The following CDH3 variants were observed in gnomAD, a reference collection of about 807,000 sequenced individuals.
CDH3 encodes cadherin 3, also known as cadherin-3.
A neutral mutation model predicts 82.0 loss-of-function variants in CDH3; 54 were observed. The ratio of observed to expected loss-of-function variants is 0.66; its 90% confidence interval spans 0.53 to 0.83. The LOEUF is 0.83. CDH3 is among the 40% of genes least tolerant of loss of function. The pLI is 0.00. For missense variants in CDH3, 1,054 were observed against 1,084.6 expected (o/e 0.97, Z 0.40); for synonymous variants, 446 against 437.9 (o/e 1.02, Z -0.23).
intron 2 of CDH3, among the ~76,000 whole-genome samples, chr16:68,666,461 C>T (rs1308282495): frequency 6.6e-6 from 1 of 152,098 alleles, no homozygotes; most frequent in Non-Finnish European, 1.5e-5. Flanking sequence ...GGGGTGGGTC[C>T]CAAGTGAATC....
In CDH3 at chr16:68,685,290, G is replaced by A; in HGVS notation, c.1510G>A (p.Glu504Lys). The change falls in exon 11 of 16, where the codon GAG (glutamate) becomes AAG (lysine). Residue 504 changes from glutamate to lysine, a missense_variant. Physicochemically the swap from Glu to Lys is moderately conservative, Grantham distance 56 (BLOSUM62 1). Coordinates refer to ENST00000264012, the MANE Select transcript of CDH3 (RefSeq NM_001793.6). ...CACAGCTGTGGGCACCCTCGACCGT[G>A]AGGATGAGCAGTTTGTGAGGAACAA... ...QVTAVGTLDR[E>K]DEQFVRNNIY... The A allele has an allele frequency of 1.9e-6, 3 of 1,614,172 alleles. No individual in the cohort carries two copies. The highest frequency in any genetic ancestry group is 2.5e-6 in the Non-Finnish European group (3 of 1,180,032).
chr16:68,648,122 T>G (rs1960129993), intron 2 of CDH3, among the ~76,000 whole-genome samples: 1 of 152,198 alleles, frequency 6.6e-6, no homozygotes, highest in African/African-American at 2.4e-5. Flanking sequence ...CTCAGAATTT[T>G]GAACTTCAGA....
intron 11 of CDH3, 70 bp downstream of exon 11, chr16:68,685,420 A>G: frequency 6.6e-7 from 1 of 1,523,954 alleles, no homozygotes; most frequent in Non-Finnish European, 9.1e-7. Context: ...ACAGCACAGC[A>G]TGTTTCCTCC....
rs1961985769 is a variant in CDH3, at chr16:68,707,996, A to AC, written c.99+12074dup. On this transcript the variant is annotated intron_variant, in intron 1 of 2. Transcript: ENST00000569080. The surrounding 1 kb of genome is among the most constrained non-coding windows in gnomAD (Gnocchi z 4.5). ...CCTCTGTGTGTCCTCCAGGAACCTGACGACCCAGGCACTCCAGGAAGACGA... is the reference window on the plus strand; with the variant it reads ...CCTCTGTGTGTCCTCCAGGAACCTGACCGACCCAGGCACTCCAGGAAGACGA... 6.6e-6 allele frequency among the ~76,000 whole-genome samples: 1 copy of AC among 152,062 alleles called. No individual in the cohort carries two copies. Among genetic ancestry groups the AC allele is most frequent in the Admixed American group, 6.6e-5 (1 of 15,252 alleles).
At chr16:68,712,951 G>A (rs2152110300) in intron 1 of CDH3, among the ~76,000 whole-genome samples, 1 of 152,156 alleles carries the variant, frequency 6.6e-6, no homozygotes, top group Non-Finnish European at 1.5e-5. Context: ...CAAAGTGCTG[G>A]GATTAAAGGC....
In CDH3 at chr16:68,680,238, T is replaced by A. The variant is rs142970787; in HGVS notation, c.867+264T>A. Among the ~76,000 whole-genome samples the A allele has an allele frequency of 5.9e-4, 90 of 152,346 alleles. 1 individual carries two copies. Among genetic ancestry groups the A allele is most frequent in the African/African-American group, 2.0e-3 (84 of 41,580 alleles). ...CCTACTTTTGGTATTTTCTGTAGGTTTTCTCATTTCCTCTCAGAGTGGCTC... is the reference window on the plus strand; with the variant it reads ...CCTACTTTTGGTATTTTCTGTAGGTATTCTCATTTCCTCTCAGAGTGGCTC... On this transcript the variant is annotated intron_variant, in intron 7 of 15. Coordinates refer to ENST00000264012, the MANE Select transcript of CDH3 (RefSeq NM_001793.6).
chr16:68,698,520 C>A lies in CDH3; in HGVS notation c.*120C>A. On this transcript the variant is annotated 3_prime_UTR_variant, in exon 16 of 16. Transcript: ENST00000264012. ...TCAGGAAGTGGCCGTAGCAACTTGG[C>A]GGAGACAGGCTATGAGTCTGACGTT... 2.4e-6 allele frequency: 2 copies of A among 833,270 alleles called. No homozygotes were observed. The highest frequency in any genetic ancestry group is 3.9e-6 in the Non-Finnish European group (2 of 507,166). 51.6% of individuals were successfully genotyped at this position (833,270 alleles called of 1,614,324 possible).
chr16:68,650,147 C>T (rs560685536), intron 2 of CDH3, among the ~76,000 whole-genome samples: 1 of 152,054 alleles, frequency 6.6e-6, no homozygotes, highest in Non-Finnish European at 1.5e-5. Context: ...CTCAGTTTCC[C>T]CACCGGGCCC....
In CDH3 at chr16:68,687,729, C is replaced by A; in HGVS notation, c.1788C>A (p.Asn596Lys). Reference protein sequence around the residue: ...DSDIYWTAEVNEEGDTVVLSL... With the variant: ...DSDIYWTAEVKEEGDTVVLSL... Reference sequence around the variant, plus strand: ...ACATCTACTGGACGGCAGAGGTCAACGAGGAAGGTACCTGAGTGAGTGGTG... The same window carrying A: ...ACATCTACTGGACGGCAGAGGTCAAAGAGGAAGGTACCTGAGTGAGTGGTG... Residue 596 changes from asparagine to lysine, a missense_variant, in exon 12 of 16, where the codon AAC (asparagine) becomes AAA (lysine). Coordinates refer to ENST00000264012, the MANE Select transcript of CDH3 (RefSeq NM_001793.6). 1 of 1,613,070 alleles carries A rather than the reference C, an allele frequency of 6.2e-7. No individual in the cohort carries two copies. Among genetic ancestry groups the A allele is most frequent in the Non-Finnish European group, 8.5e-7 (1 of 1,179,228 alleles).
At chr16:68,706,853 C>A (rs1040638815) in intron 1 of CDH3, among the ~76,000 whole-genome samples, 2 of 152,062 alleles carry the variant, frequency 1.3e-5, no homozygotes, top group Non-Finnish European at 2.9e-5. Context: ...TGTGCCCGGC[C>A]AGTAGTCACA....
intron 2 of CDH3, among the ~76,000 whole-genome samples, chr16:68,724,385 A>C (rs1271101204): frequency 1.3e-5 from 2 of 152,058 alleles, no homozygotes; most frequent in African/African-American, 4.8e-5. Context: ...TTGGGAGGCC[A>C]AGGAAGGAGG....
At position 68,680,092 on chromosome 16, in the gene CDH3, A is replaced by G. The variant is rs951132283; in HGVS notation, c.867+118A>G. On this transcript the variant is annotated intron_variant, in intron 7 of 15. Transcript: ENST00000264012. ...GCCCAAGGCAGAACAGTGAGGACCC[A>G]CGTCAGCTGGGATGGCCACTGCTGG... 5.1e-6 allele frequency: 5 copies of G among 989,964 alleles called. No homozygotes were observed. The African/African-American group carries it at 8.0e-5, about 16-fold the overall frequency. 61.3% of individuals were successfully genotyped at this position (989,964 alleles called of 1,614,324 possible). A position where few individuals can be genotyped will look rare whatever the true frequency, so the allele number is the denominator to read the frequency against.
intron 15 of CDH3, chr16:68,696,551 G>C (rs1019016763): frequency 1.7e-5 from 3 of 177,784 alleles, no homozygotes; most frequent in Non-Finnish European, 3.6e-5. Flanking sequence ...CATGGTGGGA[G>C]GTGGAGGTTG....
chr16:68,728,289 C>T (rs867039094), downstream of CDH3, among the ~76,000 whole-genome samples: 2 of 152,098 alleles, frequency 1.3e-5, no homozygotes, highest in African/African-American at 2.4e-5. Flanking sequence ...CCTCAGCCTC[C>T]GGAGCAGCTG....
At chr16:68,712,679 C>T (rs192016107) in intron 1 of CDH3, among the ~76,000 whole-genome samples, 44 of 151,794 alleles carry the variant, frequency 2.9e-4, no homozygotes, top group Non-Finnish European at 5.7e-4. Context: ...CCTCTCAATT[C>T]CCAGGTTCCT....
rs1210247142 is a variant in CDH3 at position 68,662,634 on chromosome 16, C to T, written c.161-13751C>T. On this transcript the variant is annotated intron_variant, in intron 2 of 15. Transcript: ENST00000264012. ...ACGATCTCACTGCAAGAAGCTCCACCTCCGGGTTCACACCATTCTCCTGCC... is the reference window on the plus strand; with the variant it reads ...ACGATCTCACTGCAAGAAGCTCCACTTCCGGGTTCACACCATTCTCCTGCC... Among the ~76,000 whole-genome samples, 3 of 149,860 alleles carry T rather than the reference C, an allele frequency of 2.0e-5. No homozygotes were observed. The East Asian group carries it at 6.0e-4, about 30-fold the overall frequency.
chr16:68,682,212 G>C, intron 8 of CDH3, 90 bp from the exon 9 acceptor site: 4 of 1,411,474 alleles, frequency 2.8e-6, no homozygotes, highest in Non-Finnish European at 3.9e-6. Flanking sequence ...AAGGCATGGG[G>C]ATCCCCTGAG....
chr16:68,650,067 G>C (rs530365989), intron 2 of CDH3, among the ~76,000 whole-genome samples: 2 of 152,044 alleles, frequency 1.3e-5, no homozygotes, highest in East Asian at 3.9e-4. Flanking sequence ...ACCACAGTAG[G>C]GGGTAGTTAG....
In CDH3 at chr16:68,678,563, C is replaced by T. The variant is rs745692866; in HGVS notation, c.453C>T (p.Asp151=). ...IFYSITGPGA[D]SPPEGVFAVE... ...ACAGCATCACGGGGCCGGGGGCAGA[C>T]AGCCCCCCTGAGGGTGTCTTCGCTG... The change falls in exon 5 of 16, where the codon GAC becomes GAT. Residue 151 remains aspartate (D), a synonymous_variant. Coordinates refer to ENST00000264012, the MANE Select transcript of CDH3 (RefSeq NM_001793.6). 5 of 1,614,246 alleles carry T rather than the reference C, an allele frequency of 3.1e-6. No homozygotes were observed. The South Asian group carries it at 3.3e-5, about 11-fold the overall frequency.
Sources: gnomAD v4.1 joint callset for allele counts (sites outside exome capture counted in the v4.1 genomes callset) on GRCh38, gnomAD v4.1.1 for gene constraint, Gnocchi (gnomAD v3.1) non-coding constraint, MANE v1.5 for transcripts, NCBI Gene and HGNC (gene_info 2026-07-23, HGNC 2026-07-21) for gene names.